Variants in RNLS observed in about 807,000 individuals in gnomAD.
The protein encoded by RNLS is renalase, FAD dependent amine oxidase.
Under a neutral mutation model 39.8 loss-of-function variants are expected in RNLS, and 39 were observed. The ratio of observed to expected loss-of-function variants is 0.98; its 90% CI spans 0.76 to 1.28. The LOEUF is 1.28. RNLS is among the 50% of genes most tolerant of loss of function. The probability of loss-of-function intolerance (pLI) is 0.00; values close to 1 mark genes in which losing one functional copy is unlikely to be tolerated. For missense variants in RNLS, 410 were observed against 413.3 expected (o/e 0.99, Z 0.07); for synonymous variants, 147 against 150.7 (o/e 0.98, Z 0.18).
Position 88,284,613 on chromosome 10 carries a change from TA to T in RNLS, c.*740del, listed in dbSNP as rs564990061. ...ACCCATAAAGTAACAGCAACAGCTA[TA>T]AAATATAGCAAAAGGTAAGGATCGA... On this transcript the variant is annotated 3_prime_UTR_variant, in exon 7 of 7. Transcript: ENST00000331772. 872 of 985,264 alleles carry T rather than the reference TA, an allele frequency of 8.9e-4. 7 individuals carry two copies. The African/African-American group carries it at 0.014, about 15-fold the overall frequency. The allele number at this position is 985,264 out of a possible 1,614,324, so 61.0% of individuals were successfully genotyped here. A position where few individuals can be genotyped will look rare whatever the true frequency, so the allele number is the denominator to read the frequency against.
At chr10:88,300,526 G>C (rs1203450628) in intron 6 of RNLS, among the ~76,000 whole-genome samples, 1 of 152,126 alleles carries the variant, frequency 6.6e-6, no homozygotes, top group African/African-American at 2.4e-5. Flanking sequence ...GAAGGATTTA[G>C]CTCAAGTGAC....
chr10:88,516,752 T>G (rs1173271777), intron 4 of RNLS, among the ~76,000 whole-genome samples: 1 of 152,014 alleles, frequency 6.6e-6, no homozygotes, highest in Non-Finnish European at 1.5e-5. Context: ...AAAGAAAAAT[T>G]AATTATTGGA....
In RNLS at chr10:88,285,237, A is replaced by G. The variant is rs1444446580; in HGVS notation, c.*117T>C. The G allele has an allele frequency of 2.1e-6, 3 of 1,397,616 alleles. No individual in the cohort carries two copies. Among genetic ancestry groups the G allele is most frequent in the Non-Finnish European group, 2.8e-6 (3 of 1,073,334 alleles). The allele number at this position is 1,397,616 out of a possible 1,614,324, so 86.6% of individuals were successfully genotyped here. On this transcript the variant is annotated 3_prime_UTR_variant, in exon 7 of 7. Coordinates refer to ENST00000331772, the MANE Select transcript of RNLS (RefSeq NM_001031709.3). ...TATACTCCACATGAAAAATGATAAT[A>G]AGTGAAGAACAATTTTCCAGTAATT...
intron 4 of RNLS, among the ~76,000 whole-genome samples, chr10:88,399,714 G>A (rs151242912): frequency 6.6e-6 from 1 of 152,096 alleles, no homozygotes; most frequent in African/African-American, 2.4e-5. Context: ...ACATCTCTGT[G>A]AATACATAAG....
In RNLS at chr10:88,354,399, A is replaced by T. The variant is rs180726662; in HGVS notation, c.700+8153T>A. Reference sequence around the variant, plus strand: ...TAGTGCTTCCTTCAGGAGCTCTTGTAGGGCAGGCCTGGTGGTGACAAAAAT... The same window carrying T: ...TAGTGCTTCCTTCAGGAGCTCTTGTTGGGCAGGCCTGGTGGTGACAAAAAT... On this transcript the variant is annotated intron_variant, in intron 5 of 6. Coordinates refer to ENST00000331772, the MANE Select transcript of RNLS (RefSeq NM_001031709.3). Among the ~76,000 whole-genome samples the T allele has an allele frequency of 7.0e-4, 106 of 152,236 alleles. 1 individual carries two copies. The highest frequency in any genetic ancestry group is 2.4e-3 in the African/African-American group (100 of 41,544).
At chr10:88,252,507 G>A in the RNLS span, among the ~76,000 whole-genome samples, 2 of 152,168 alleles carry the variant, frequency 1.3e-5, no homozygotes, top group Non-Finnish European at 2.9e-5. Context: ...TGGCCAGAGG[G>A]GCTAGGGGCT....
At chr10:88,514,121 TAA>T (rs762756164) in intron 4 of RNLS, among the ~76,000 whole-genome samples, 3 of 120,350 alleles carry the variant, frequency 2.5e-5, no homozygotes, top group Non-Finnish European at 3.6e-5. Context: ...GGGTAATTTA[TAA>T]AAAAAAAAAA....
intron 4 of RNLS, among the ~76,000 whole-genome samples, chr10:88,502,464 C>T (rs904741102): frequency 1.3e-5 from 2 of 152,134 alleles, no homozygotes; most frequent in African/African-American, 4.8e-5. Context: ...TCAGTCTCTA[C>T]ATGATCCCCT....
intron 4 of RNLS, among the ~76,000 whole-genome samples, chr10:88,546,310 A>T (rs576972730): frequency 3.3e-5 from 5 of 152,194 alleles, no homozygotes; most frequent in African/African-American, 1.2e-4. Context: ...ATGTAAGAGT[A>T]TTGTGGCACT....
the RNLS span, among the ~76,000 whole-genome samples, chr10:88,214,030 C>T: frequency 3.3e-5 from 5 of 152,102 alleles, no homozygotes; most frequent in Non-Finnish European, 5.9e-5. Flanking sequence ...ATAATCAGGA[C>T]TCGGTTTCTC....
chr10:88,309,567 G>A, intron 6 of RNLS: 2 of 800,254 alleles, frequency 2.5e-6, no homozygotes, highest in Non-Finnish European at 3.7e-6. Context: ...GGGTAACTGA[G>A]GTAATCAGCT....
At chr10:88,486,055 T>C (rs1417144089) in intron 4 of RNLS, among the ~76,000 whole-genome samples, 1 of 151,894 alleles carries the variant, frequency 6.6e-6, no homozygotes, top group Non-Finnish European at 1.5e-5. Flanking sequence ...TGAGAGAAAA[T>C]AGTTGCAAAG....
At chr10:88,266,450 CT>C in the RNLS span, among the ~76,000 whole-genome samples, 1 of 152,118 alleles carries the variant, frequency 6.6e-6, no homozygotes, top group Non-Finnish European at 1.5e-5. Flanking sequence ...GCTTTTCCCC[CT>C]TTACAACTAA....
chr10:88,264,873 C>T, the RNLS span, among the ~76,000 whole-genome samples: 34 of 152,236 alleles, frequency 2.2e-4, no homozygotes, highest in Non-Finnish European at 4.1e-4. Context: ...GTTTTTGTTG[C>T]GATTGCTTTT....
At chr10:88,280,646 G>A (rs558388161), downstream of RNLS, among the ~76,000 whole-genome samples, 89 of 152,234 alleles carry the variant, frequency 5.8e-4, no homozygotes, top group African/African-American at 2.1e-3. Context: ...CTGCTGTAGT[G>A]CAAAACAGTC....
At chr10:88,181,216 C>A in the RNLS span, among the ~76,000 whole-genome samples, 1 of 152,276 alleles carries the variant, frequency 6.6e-6, no homozygotes, top group Middle Eastern at 3.4e-3. Flanking sequence ...CTGGCCCCAT[C>A]ATAAGCCAGG....
chr10:88,287,735 G>A (rs1819658173), intron 6 of RNLS, among the ~76,000 whole-genome samples: 1 of 152,092 alleles, frequency 6.6e-6, no homozygotes, highest in South Asian at 2.1e-4. Context: ...GAGAGAGAGA[G>A]CATGTGAAGG....
chr10:88,430,217 C>A (rs1642049004), intron 4 of RNLS, among the ~76,000 whole-genome samples: 1 of 151,790 alleles, frequency 6.6e-6, no homozygotes, highest in African/African-American at 2.4e-5. Flanking sequence ...TCTCATATAT[C>A]TTTTGTCAGA....
At chr10:88,187,083 CAGAA>C in the RNLS span, among the ~76,000 whole-genome samples, 2 of 147,274 alleles carry the variant, frequency 1.4e-5, no homozygotes, top group Admixed American at 1.4e-4. Context: ...CAGGAGTTGA[CAGAA>C]AGCCCAATCT....
Sources: gnomAD v4.1 joint callset for allele counts (sites outside exome capture counted in the v4.1 genomes callset) on GRCh38, gnomAD v4.1.1 for gene constraint, MANE v1.5 for transcripts, NCBI Gene and HGNC (gene_info 2026-07-23, HGNC 2026-07-21) for gene names.